The following SPIDR variants were observed in gnomAD, a reference collection of about 807,000 sequenced individuals.
SPIDR encodes DNA repair-scaffolding protein.
In SPIDR, 93 loss-of-function variants were observed where a neutral mutation model predicts 104.6. That is an observed-to-expected ratio of 0.89 (90% CI 0.75 to 1.06). The LOEUF (loss-of-function observed/expected upper bound fraction) is 1.06, where lower values mean the gene tolerates loss of function less well. Ranked by LOEUF, SPIDR falls within the 50% of genes least tolerant of loss-of-function variation. SPIDR has a pLI of 0.00. For synonymous variants in SPIDR, 431 were observed against 416.9 expected, an observed-to-expected ratio of 1.03 and a Z score of -0.41; for missense variants, 1,154 against 1,111.2, an observed-to-expected ratio of 1.04 and a Z score of -0.55.
At chr8:47,538,836 T>G (rs1222905219) in intron 8 of SPIDR, among the ~76,000 whole-genome samples, 1 of 151,182 alleles carries the variant, frequency 6.6e-6, no homozygotes, top group Non-Finnish European at 1.5e-5. Flanking sequence ...ATATTTGTTT[T>G]GGTTTTGCCT....
intron 7 of SPIDR, among the ~76,000 whole-genome samples, chr8:47,433,289 T>C (rs1554690289): frequency 6.6e-6 from 1 of 152,148 alleles, no homozygotes; most frequent in East Asian, 1.9e-4. Flanking sequence ...CTAACTAGCT[T>C]CCCTACTTAA....
At chr8:47,488,102 C>G (rs1041438036) in intron 8 of SPIDR, among the ~76,000 whole-genome samples, 3 of 151,934 alleles carry the variant, frequency 2.0e-5, no homozygotes, top group African/African-American at 7.3e-5. Context: ...ATTGATAGAC[C>G]ACTAGCAAGA....
At chr8:47,639,068 A>T (rs1366341548) in intron 10 of SPIDR, among the ~76,000 whole-genome samples, 3 of 152,204 alleles carry the variant, frequency 2.0e-5, no homozygotes, top group African/African-American at 7.2e-5. Context: ...TATTTTAACT[A>T]CCAATTGTCA....
At chr8:47,337,498 T>G (rs550432208) in intron 5 of SPIDR, among the ~76,000 whole-genome samples, 74 of 152,304 alleles carry the variant, frequency 4.9e-4, no homozygotes, top group Non-Finnish European at 9.3e-4. Flanking sequence ...TCTTTTTTTT[T>G]CCCAGATGTA....
At chr8:47,420,608 A>C (rs2065257812) in intron 7 of SPIDR, among the ~76,000 whole-genome samples, 2 of 152,168 alleles carry the variant, frequency 1.3e-5, no homozygotes, top group African/African-American at 4.8e-5. Flanking sequence ...CATTTAGCCC[A>C]TTTACATTTA....
At chr8:47,589,034 T>TTTTTTTTTTTTTTTG (rs2060655299) in intron 8 of SPIDR, among the ~76,000 whole-genome samples, 1 of 149,612 alleles carries the variant, frequency 6.7e-6, no homozygotes, top group South Asian at 2.1e-4. Context: ...TTTTTTTTTT[T>TTTTTTTTTTTTTTTG]TTTTTTTTTG....
At chr8:47,699,766 G>A (rs2079879341) in intron 11 of SPIDR, among the ~76,000 whole-genome samples, 1 of 152,200 alleles carries the variant, frequency 6.6e-6, no homozygotes, top group South Asian at 2.1e-4. Flanking sequence ...TGTTGGCCAG[G>A]CTGGTCCTGA....
At position 47,333,127 on chromosome 8, in the gene SPIDR, C is replaced by T. The variant is rs1587150227; in HGVS notation, c.525+39097C>T. ...GATCATCAGTATCACTGTCTTCCACCTCCGTATCTTATTCCACTGAAAGGT... is the reference window on the plus strand; with the variant it reads ...GATCATCAGTATCACTGTCTTCCACTTCCGTATCTTATTCCACTGAAAGGT... On this transcript the variant is annotated intron_variant, in intron 5 of 19. Transcript: ENST00000297423. Among the ~76,000 whole-genome samples the T allele has an allele frequency of 3.3e-5, 5 of 152,272 alleles. No individual in the cohort carries two copies. The South Asian group carries it at 6.2e-4, about 19-fold the overall frequency.
intron 5 of SPIDR, among the ~76,000 whole-genome samples, chr8:47,372,007 T>G (rs1233743814): frequency 2.6e-5 from 4 of 152,220 alleles, no homozygotes; most frequent in Non-Finnish European, 5.9e-5. Context: ...AGGAGCACCC[T>G]TCTCTTCCCA....
chr8:47,276,628 A>G (rs928702481), intron 1 of SPIDR, among the ~76,000 whole-genome samples: 13 of 152,366 alleles, frequency 8.5e-5, no homozygotes, highest in Admixed American at 1.3e-4. Context: ...CTAGTAAAGA[A>G]TTTGCAGTGG....
chr8:47,503,593 G>A (rs1002651620), intron 8 of SPIDR, among the ~76,000 whole-genome samples: 2 of 152,038 alleles, frequency 1.3e-5, no homozygotes, highest in African/African-American at 4.8e-5. Context: ...TATCCAATTT[G>A]CCAGTCTGTG....
chr8:47,572,186 A>G (rs2058599500), intron 8 of SPIDR, among the ~76,000 whole-genome samples: 1 of 152,282 alleles, frequency 6.6e-6, no homozygotes, highest in South Asian at 2.1e-4. Context: ...TTTGAATGTC[A>G]TATCAATAAT....
intron 19 of SPIDR, among the ~76,000 whole-genome samples, chr8:47,730,340 C>G (rs1180682797): frequency 6.6e-6 from 1 of 152,174 alleles, no homozygotes; most frequent in African/African-American, 2.4e-5. Context: ...TTGTGAAAGC[C>G]ATTTAAAAGC....
intron 5 of SPIDR, among the ~76,000 whole-genome samples, chr8:47,310,569 G>T (rs2043961009): frequency 6.6e-6 from 1 of 152,092 alleles, no homozygotes; most frequent in Non-Finnish European, 1.5e-5. Flanking sequence ...AAGATAGAAT[G>T]GTATAAGATG....
At chr8:47,488,937 C>T (rs554055139) in intron 8 of SPIDR, among the ~76,000 whole-genome samples, 11 of 151,882 alleles carry the variant, frequency 7.2e-5, no homozygotes, top group East Asian at 1.9e-4. Context: ...TTTGAAAACT[C>T]GCACAAGACA....
At chr8:47,297,128 C>T (rs1244799641) in intron 5 of SPIDR, among the ~76,000 whole-genome samples, 1 of 152,122 alleles carries the variant, frequency 6.6e-6, no homozygotes, top group Non-Finnish European at 1.5e-5. Flanking sequence ...AAGTTGTTAG[C>T]ATTTTCTATA....
Position 47,443,291 on chromosome 8 carries a change from C to G in SPIDR, c.1097+2749C>G, listed in dbSNP as rs141180417. ...TAATGCTTAAGAAAATAGAAGAGGCCGGGCGCATTAGTTCACGCCTATAAT... is the reference window on the plus strand; with the variant it reads ...TAATGCTTAAGAAAATAGAAGAGGCGGGGCGCATTAGTTCACGCCTATAAT... On this transcript the variant is annotated intron_variant, in intron 8 of 19. Coordinates refer to ENST00000297423, the MANE Select transcript of SPIDR (RefSeq NM_001080394.4). Among the ~76,000 whole-genome samples, 562 of 152,070 alleles carry G rather than the reference C, an allele frequency of 3.7e-3. 5 individuals are homozygous for G. Among genetic ancestry groups the G allele is most frequent in the Middle Eastern group, 0.014 (4 of 294 alleles).
At chr8:47,638,298 T>A (rs1458620353) in intron 10 of SPIDR, among the ~76,000 whole-genome samples, 1 of 152,164 alleles carries the variant, frequency 6.6e-6, no homozygotes, top group Non-Finnish European at 1.5e-5. Context: ...ATGAAGGAAA[T>A]ACAAGTGCAA....
At chr8:47,597,639 T>C (rs1302780163) in intron 9 of SPIDR, among the ~76,000 whole-genome samples, 4 of 152,248 alleles carry the variant, frequency 2.6e-5, no homozygotes, top group Admixed American at 6.5e-5. Context: ...AGCCCTCCTT[T>C]ATTTATTTAA....
Sources: gnomAD v4.1 joint callset for allele counts (sites outside exome capture counted in the v4.1 genomes callset) on GRCh38, gnomAD v4.1.1 for gene constraint, MANE v1.5 for transcripts, NCBI Gene and HGNC (gene_info 2026-07-23, HGNC 2026-07-21) for gene names.